INPP4B: variants seen among roughly 807,000 people sequenced by gnomAD.
The protein encoded by INPP4B is inositol polyphosphate 4-phosphatase type II.
A neutral mutation model predicts 122.5 loss-of-function variants in INPP4B; 55 were observed. That is an observed-to-expected ratio of 0.45 (90% CI 0.36 to 0.56). The LOEUF is 0.56. Among genes scored for constraint, INPP4B ranks in the 20% least tolerant of loss-of-function variants. The probability of loss-of-function intolerance (pLI) is 0.00; values close to 1 mark genes in which losing one functional copy is unlikely to be tolerated. For missense variants in INPP4B, 1,000 were observed against 1,097.7 expected, an observed-to-expected ratio of 0.91 and a Z score of 1.26; for synonymous variants, 403 against 388.7, an observed-to-expected ratio of 1.04 and a Z score of -0.43.
chr4:142,234,139 T>C (rs1055792002), intron 12 of INPP4B, among the ~76,000 whole-genome samples: 6 of 152,190 alleles, frequency 3.9e-5, no homozygotes, highest in African/African-American at 1.4e-4. Context: ...ATCAAGTTTT[T>C]GCACTAACTG....
chr4:142,086,315 C>T (rs1776723807), intron 23 of INPP4B, 59 bp from the exon 24 acceptor site: 2 of 893,024 alleles, frequency 2.2e-6, no homozygotes, highest in African/African-American at 3.3e-5. Flanking sequence ...ATTAAGCTGC[C>T]CATGGAGGTT....
chr4:142,814,230 T>G (rs1779853879), intron 1 of INPP4B, among the ~76,000 whole-genome samples: 1 of 152,188 alleles, frequency 6.6e-6, no homozygotes. Flanking sequence ...AAGTACAATA[T>G]CTTCAAGCAA....
chr4:142,317,914 G>A (rs529839684), intron 7 of INPP4B, among the ~76,000 whole-genome samples: 3 of 152,282 alleles, frequency 2.0e-5, no homozygotes, highest in Non-Finnish European at 4.4e-5. Flanking sequence ...GCCATTTACT[G>A]TAGAGGGCTG....
intron 2 of INPP4B, among the ~76,000 whole-genome samples, chr4:142,586,279 ACT>A (rs1278606926): frequency 6.6e-6 from 1 of 151,682 alleles, no homozygotes; most frequent in East Asian, 1.9e-4. Context: ...TCACCACTGC[ACT>A]CCAGCCTGGT....
intron 1 of INPP4B, among the ~76,000 whole-genome samples, chr4:142,796,805 C>G (rs1033409262): frequency 1.3e-4 from 20 of 151,164 alleles, no homozygotes; most frequent in African/African-American, 4.9e-4. Context: ...TTTACAAGAC[C>G]TATCCACATC....
chr4:142,736,326 T>A (rs1766885955), intron 1 of INPP4B, among the ~76,000 whole-genome samples: 1 of 152,210 alleles, frequency 6.6e-6, no homozygotes, highest in Admixed American at 6.5e-5. Context: ...CTTGTAATTT[T>A]TTTTTACCAC....
intron 1 of INPP4B, chr4:142,795,115 A>C (rs1490370124): frequency 6.6e-6 from 1 of 152,014 alleles, no homozygotes; most frequent in Non-Finnish European, 1.5e-5. Flanking sequence ...TGTATGCAAT[A>C]ATACAGATGA....
chr4:142,315,528 C>T (rs1767238421), intron 7 of INPP4B, among the ~76,000 whole-genome samples: 1 of 151,934 alleles, frequency 6.6e-6, no homozygotes, highest in Non-Finnish European at 1.5e-5. Context: ...ATTAGAATCA[C>T]CTGGGGACCC....
At chr4:142,369,131 G>C (rs990920097) in intron 7 of INPP4B, among the ~76,000 whole-genome samples, 1 of 152,244 alleles carries the variant, frequency 6.6e-6, no homozygotes, top group Non-Finnish European at 1.5e-5. Context: ...GGTTACACTT[G>C]TGTGGGCACA....
intron 23 of INPP4B, among the ~76,000 whole-genome samples, chr4:142,100,195 C>T (rs1783886090): frequency 6.6e-6 from 1 of 152,120 alleles, no homozygotes; most frequent in Admixed American, 6.6e-5. Flanking sequence ...GGCTAACTTA[C>T]ACTTAACTCT....
intron 2 of INPP4B, among the ~76,000 whole-genome samples, chr4:142,529,896 TAAAAA>T (rs954112181): frequency 7.2e-5 from 11 of 151,770 alleles, no homozygotes; most frequent in African/African-American, 2.7e-4. Flanking sequence ...CACAAAAAAA[TAAAAA>T]AGAGAAACAG....
chr4:142,067,447 T>C (rs745915067), intron 25 of INPP4B, among the ~76,000 whole-genome samples: 9 of 152,158 alleles, frequency 5.9e-5, no homozygotes, highest in Non-Finnish European at 1.2e-4. Context: ...AGCTCCTCAC[T>C]AGCAACGGAA....
At chr4:142,579,658 T>C (rs868493046) in intron 2 of INPP4B, among the ~76,000 whole-genome samples, 4 of 151,740 alleles carry the variant, frequency 2.6e-5, no homozygotes, top group African/African-American at 9.7e-5. Context: ...GAATGGGACA[T>C]TGGCTTTTTC....
chr4:142,582,195 C>CAA lies in INPP4B; in HGVS notation c.-190-119471_-190-119470dup, dbSNP rs397717604. Among the ~76,000 whole-genome samples the CAA allele has an allele frequency of 2.5e-3, 347 of 140,918 alleles. 1 individual carries two copies. Among genetic ancestry groups the CAA allele is most frequent in the East Asian group, 0.01 (50 of 4,882 alleles). The allele number at this position is 140,918 out of a possible 152,430, so 92.4% of individuals were successfully genotyped here. A position where few individuals can be genotyped will look rare whatever the true frequency, so the allele number is the denominator to read the frequency against. On this transcript the variant is annotated intron_variant, in intron 2 of 25. Coordinates refer to ENST00000262992, the MANE Select transcript of INPP4B (RefSeq NM_001101669.3). ...TGAAAACATAATCATCTAATGGATACAAAAAAAAAAAAATCTACTCACAAA... is the reference window on the plus strand; with the variant it reads ...TGAAAACATAATCATCTAATGGATACAAAAAAAAAAAAAAATCTACTCACAAA...
intron 1 of INPP4B, among the ~76,000 whole-genome samples, chr4:142,763,588 TAAGG>T (rs1390471361): frequency 6.6e-6 from 1 of 152,108 alleles, no homozygotes; most frequent in African/African-American, 2.4e-5. Flanking sequence ...CATCAGATCT[TAAGG>T]AAAAACTTGG....
At chr4:142,777,916 A>T (rs1774185747) in intron 1 of INPP4B, among the ~76,000 whole-genome samples, 1 of 152,198 alleles carries the variant, frequency 6.6e-6, no homozygotes, top group African/African-American at 2.4e-5. Flanking sequence ...TGTAAAACTC[A>T]GTATGAAATG....
intron 2 of INPP4B, among the ~76,000 whole-genome samples, chr4:142,718,332 AGTTT>A (rs1362365543): frequency 3.3e-5 from 5 of 152,238 alleles, no homozygotes; most frequent in African/African-American, 1.2e-4. Flanking sequence ...TAGTTAAAAC[AGTTT>A]GTTTAAAACT....
intron 1 of INPP4B, among the ~76,000 whole-genome samples, chr4:142,826,940 C>T (rs1468192664): frequency 1.3e-5 from 2 of 152,204 alleles, no homozygotes. Flanking sequence ...ATCTCTTTGT[C>T]CACAGGCCTA....
chr4:142,230,846 T>G (rs1165957710), intron 12 of INPP4B, among the ~76,000 whole-genome samples: 1 of 152,064 alleles, frequency 6.6e-6, no homozygotes, highest in Non-Finnish European at 1.5e-5. Context: ...AATCAGAAAA[T>G]TACTAAGCCC....
Sources: gnomAD v4.1 joint callset for allele counts (sites outside exome capture counted in the v4.1 genomes callset) on GRCh38, gnomAD v4.1.1 for gene constraint, MANE v1.5 for transcripts, NCBI Gene and HGNC (gene_info 2026-07-23, HGNC 2026-07-21) for gene names.